The following CACNA1C variants were observed in gnomAD, a reference collection of about 807,000 sequenced individuals.
CACNA1C encodes the protein calcium voltage-gated channel subunit alpha1 C, also known as voltage-dependent L-type calcium channel subunit alpha-1C.
Under a neutral mutation model 229.0 loss-of-function variants are expected in CACNA1C, and 30 were observed. The ratio of observed to expected loss-of-function variants is 0.13; its 90% CI spans 0.10 to 0.18. CACNA1C has a LOEUF of 0.18. CACNA1C is among the 10% of genes least tolerant of loss of function. The probability of loss-of-function intolerance (pLI) is 1.00; values close to 1 mark genes in which losing one functional copy is unlikely to be tolerated. For missense variants in CACNA1C, 1,658 were observed against 2,845.0 expected, an observed-to-expected ratio of 0.58 and a Z score of 9.49; for synonymous variants, 1,114 against 1,132.5, an observed-to-expected ratio of 0.98 and a Z score of 0.33.
intron 31 of CACNA1C, 138 bp downstream of exon 31, chr12:2,648,645 C>A: frequency 1.4e-6 from 1 of 739,232 alleles, no homozygotes; most frequent in Non-Finnish European, 2.4e-6. Flanking sequence ...CTGCCGTGTG[C>A]CTTGCCTGCC....
chr12:2,325,068 G>A (rs2096229217), intron 3 of CACNA1C, among the ~76,000 whole-genome samples: 1 of 152,122 alleles, frequency 6.6e-6, no homozygotes, highest in Non-Finnish European at 1.5e-5. Context: ...CCTGGACCTG[G>A]GCTCTCTTTC....
At chr12:2,620,777 A>C (rs1034749477) in intron 29 of CACNA1C, among the ~76,000 whole-genome samples, 1 of 152,184 alleles carries the variant, frequency 6.6e-6, no homozygotes, top group Non-Finnish European at 1.5e-5. Flanking sequence ...GAAGACTTAC[A>C]CATTGGGGAC....
chr12:2,004,753 G>A (rs1173411697), intron 1 of CACNA1C: 1 of 345,732 alleles, frequency 2.9e-6, no homozygotes, highest in Non-Finnish European at 5.3e-6. Flanking sequence ...TTTCCTTCTT[G>A]GATGTGTTCG....
At chr12:2,397,584 C>G (rs2154550068) in intron 3 of CACNA1C, among the ~76,000 whole-genome samples, 1 of 152,360 alleles carries the variant, frequency 6.6e-6, no homozygotes, top group East Asian at 1.9e-4. Context: ...AAATGGTAAT[C>G]AGGCTTGTGG....
rs2097709303 is a variant in CACNA1C at position 2,689,679 on chromosome 12, T to C, written c.6117+900T>C. On this transcript the variant is annotated intron_variant, in intron 46 of 46. Coordinates refer to ENST00000399655, the MANE Select transcript of CACNA1C (RefSeq NM_000719.7). The surrounding 1 kb of genome is among the most constrained non-coding windows in gnomAD (Gnocchi z 4.2). ...CGTTAAACCAGGTGGCTTCCAAGGT[T>C]TACCTCTCAAAGTCTGGTATTCCTG... Among the ~76,000 whole-genome samples the C allele has an allele frequency of 6.6e-6, 1 of 151,964 alleles. No homozygotes were observed. Among genetic ancestry groups the C allele is most frequent in the South Asian group, 2.1e-4 (1 of 4,816 alleles).
chr12:2,117,179 G>A (rs1329656391), intron 2 of CACNA1C, among the ~76,000 whole-genome samples: 1 of 152,236 alleles, frequency 6.6e-6, no homozygotes, highest in Non-Finnish European at 1.5e-5. Flanking sequence ...GCTGAGGCAA[G>A]AGAATTGCTT....
chr12:2,426,783 T>C (rs963626011), intron 3 of CACNA1C, among the ~76,000 whole-genome samples: 1 of 152,216 alleles, frequency 6.6e-6, no homozygotes, highest in African/African-American at 2.4e-5. Context: ...TTGGCTGATA[T>C]GGCTGGGATG....
intron 3 of CACNA1C, among the ~76,000 whole-genome samples, chr12:2,347,238 T>C (rs1408988041): frequency 6.6e-6 from 1 of 152,170 alleles, no homozygotes; most frequent in Non-Finnish European, 1.5e-5. Flanking sequence ...CCACGAACAC[T>C]GCACTTTCCC....
chr12:2,269,237 G>A (rs747105816), intron 3 of CACNA1C, among the ~76,000 whole-genome samples: 2 of 152,216 alleles, frequency 1.3e-5, no homozygotes, highest in Non-Finnish European at 2.9e-5. Flanking sequence ...CTAGAGCCAG[G>A]AGGGAGTCAT....
At chr12:2,555,764 C>T (rs957305383) in intron 10 of CACNA1C, among the ~76,000 whole-genome samples, 3 of 152,210 alleles carry the variant, frequency 2.0e-5, no homozygotes, top group African/African-American at 4.8e-5. Flanking sequence ...GTAATTATCT[C>T]ATGCACGATG....
chr12:2,491,740 A>G (rs998568709), intron 6 of CACNA1C, among the ~76,000 whole-genome samples: 2 of 152,334 alleles, frequency 1.3e-5, no homozygotes, highest in African/African-American at 4.8e-5. Flanking sequence ...CCTAAGAATT[A>G]TCTCTTACTT....
Position 1,985,365 on chromosome 12 carries a change from C to T in CACNA1C, c.139+14164C>T, listed in dbSNP as rs977401602. 3.9e-5 allele frequency among the ~76,000 whole-genome samples: 6 copies of T among 152,280 alleles called. No homozygotes were observed. In the South Asian group the frequency reaches 1.2e-3, roughly 32 times the overall value. On this transcript the variant is annotated intron_variant, in intron 1 of 46. Transcript: ENST00000682462. ...ATTGACCTATCTATGAGTTCACTAA[C>T]TCTTCTTTCCACTGTCATCTGCATT...
In CACNA1C at chr12:2,147,250, G is replaced by A. The variant is rs1045960820; in HGVS notation, c.477+26820G>A. ...TTGAGCAATTTAGATTAAATTTCAA[G>A]AAGTGGGGCTGACTAGAGAGAGAGG... On this transcript the variant is annotated intron_variant, in intron 3 of 46. Coordinates refer to ENST00000399655, the MANE Select transcript of CACNA1C (RefSeq NM_000719.7). Among the ~76,000 whole-genome samples, 9 of 151,372 alleles carry A rather than the reference G, an allele frequency of 5.9e-5. 1 individual carries two copies. The highest frequency in any genetic ancestry group is 1.3e-4 in the Non-Finnish European group (9 of 67,654).
chr12:2,535,733 A>AAAAAAAAAAAAAAAAT (rs2099853053), intron 9 of CACNA1C, among the ~76,000 whole-genome samples: 1 of 146,028 alleles, frequency 6.8e-6, no homozygotes, highest in African/African-American at 2.5e-5. Context: ...AAAAAAAAAA[A>AAAAAAAAAAAAAAAAT]CCTAAAACTA....
chr12:2,254,385 C>T (rs1049729904), intron 3 of CACNA1C, among the ~76,000 whole-genome samples: 4 of 152,182 alleles, frequency 2.6e-5, no homozygotes, highest in African/African-American at 4.8e-5. Flanking sequence ...TTCATGTCTT[C>T]CTTAGACACA....
chr12:1,971,133 C>T lies in CACNA1C; in HGVS notation c.71C>T (p.Thr24Met), dbSNP rs565973402. Residue 24 changes from threonine (T) to methionine (M), a missense_variant, in exon 1 of 47, where the codon ACG becomes ATG. Transcript: ENST00000682462. The surrounding 1 kb of genome is among the most constrained non-coding windows in gnomAD (Gnocchi z 4.2). ...CTTCCCAGCCACCTGTCTGCCAACACGGAGGTCAAGTTTAAGGGTACTTTG... is the reference window on the plus strand; with the variant it reads ...CTTCCCAGCCACCTGTCTGCCAACATGGAGGTCAAGTTTAAGGGTACTTTG... 6.2e-6 allele frequency: 8 copies of T among 1,288,996 alleles called. No homozygotes were observed. The highest frequency in any genetic ancestry group is 4.5e-5 in the African/African-American group (3 of 65,940). The allele number at this position is 1,288,996 out of a possible 1,614,324, so 79.8% of individuals were successfully genotyped here.
intron 9 of CACNA1C, among the ~76,000 whole-genome samples, chr12:2,513,332 G>C (rs1429659796): frequency 2.6e-5 from 4 of 152,214 alleles, no homozygotes; most frequent in Admixed American, 6.5e-5. Context: ...GAAAGCGCAG[G>C]CTTGTTTAAA....
chr12:2,553,501 A>G (rs1205158673), intron 10 of CACNA1C, among the ~76,000 whole-genome samples: 1 of 152,204 alleles, frequency 6.6e-6, no homozygotes, highest in East Asian at 1.9e-4. Flanking sequence ...TAGAGACTGA[A>G]ACCAGTGAGT....
At position 2,582,876 on chromosome 12, in the gene CACNA1C, G is replaced by C; in HGVS notation, c.2158G>C (p.Gly720Arg). The C allele has an allele frequency of 6.2e-7, 1 of 1,611,012 alleles. No homozygotes were observed. The highest frequency in any genetic ancestry group is 8.5e-7 in the Non-Finnish European group (1 of 1,178,276). ...SVMYDGIMAYGGPSFPGMLVC... is the reference protein window; with the variant it reads ...SVMYDGIMAYRGPSFPGMLVC... ...GATGTATGATGGGATCATGGCTTAT[G>C]GCGGCCCCTCTTTTCCAGGGATGTT... Residue 720 changes from glycine to arginine, a missense_variant, in exon 15 of 47, where the codon GGC becomes CGC. Gly to Arg is a moderately radical substitution (Grantham distance 125). Coordinates refer to ENST00000399655, the MANE Select transcript of CACNA1C (RefSeq NM_000719.7).
Sources: gnomAD v4.1 joint callset for allele counts (sites outside exome capture counted in the v4.1 genomes callset) on GRCh38, gnomAD v4.1.1 for gene constraint, Gnocchi (gnomAD v3.1) non-coding constraint, MANE v1.5 for transcripts, NCBI Gene and HGNC (gene_info 2026-07-23, HGNC 2026-07-21) for gene names.